The following NLN variants were observed in gnomAD, a reference collection of about 807,000 sequenced individuals.
The protein encoded by NLN is neurolysin, also known as neurolysin, mitochondrial.
A neutral mutation model predicts 79.9 loss-of-function variants in NLN; 64 were observed. That is an observed-to-expected ratio of 0.80 (90% CI 0.65 to 0.99). The LOEUF is 0.99. NLN is among the 50% of genes least tolerant of loss of function. The pLI is 0.00. For missense variants in NLN, 835 were observed against 858.7 expected, an observed-to-expected ratio of 0.97 and a Z score of 0.34; for synonymous variants, 267 against 296.6, an observed-to-expected ratio of 0.90 and a Z score of 1.02.
chr5:65,741,459 A>G (rs2591927), intron 1 of NLN, among the ~76,000 whole-genome samples: 36,011 of 152,088 alleles, frequency 0.24, 4,406 homozygotes, highest in African/African-American at 0.27. Flanking sequence ...CATACTAGCT[A>G]TTAGCCAGGC....
chr5:65,757,389 C>T (rs1032692556), intron 1 of NLN, among the ~76,000 whole-genome samples: 10 of 152,128 alleles, frequency 6.6e-5, no homozygotes, highest in African/African-American at 1.9e-4. Context: ...CAACTAGCTG[C>T]GTGGCTTTAG....
At chr5:65,782,261 T>C (rs1474206450) in intron 6 of NLN, among the ~76,000 whole-genome samples, 1 of 152,200 alleles carries the variant, frequency 6.6e-6, no homozygotes, top group Non-Finnish European at 1.5e-5. Context: ...TTGATGACCA[T>C]ATCTTGGGGG....
chr5:65,734,541 GAA>G (rs35225716), intron 1 of NLN, among the ~76,000 whole-genome samples: 6 of 100,536 alleles, frequency 6.0e-5, no homozygotes, highest in Admixed American at 1.9e-4. Context: ...AACCTGAATG[GAA>G]AAAAAAAAAA....
intron 9 of NLN, among the ~76,000 whole-genome samples, chr5:65,801,269 C>G (rs1433505824): frequency 1.3e-5 from 2 of 152,100 alleles, no homozygotes; most frequent in Non-Finnish European, 2.9e-5. Context: ...GCATTGATAA[C>G]TATATGAAGT....
chr5:65,754,779 A>T (rs1355197577), intron 1 of NLN, among the ~76,000 whole-genome samples: 2 of 152,098 alleles, frequency 1.3e-5, no homozygotes, highest in African/African-American at 4.8e-5. Context: ...CTTCTTCACC[A>T]TTGTGTAAAA....
At chr5:65,792,251 C>T (rs1411618879) in intron 8 of NLN, among the ~76,000 whole-genome samples, 1 of 152,212 alleles carries the variant, frequency 6.6e-6, no homozygotes, top group Non-Finnish European at 1.5e-5. Flanking sequence ...AACTTCGGAG[C>T]TCACACAGAA....
chr5:65,825,608 G>A lies in NLN; in HGVS notation c.*2693G>A, dbSNP rs879840413. 2 of 152,180 alleles carry A rather than the reference G, an allele frequency of 1.3e-5. No individual in the cohort carries two copies. Among genetic ancestry groups the A allele is most frequent in the Admixed American group, 6.5e-5 (1 of 15,274 alleles). 9.4% of individuals were successfully genotyped at this position (152,180 alleles called of 1,614,324 possible). A position where few individuals can be genotyped will look rare whatever the true frequency, so the allele number is the denominator to read the frequency against. The stretch of plus-strand genomic sequence containing the variant: ...GATAAACAACTAAAAATTGCCTTGA[G>A]TTATCACCTGAGCTACTTATGCCAA... On this transcript the variant is annotated 3_prime_UTR_variant, in exon 13 of 13. Transcript: ENST00000380985.
In NLN at chr5:65,780,241, T is replaced by C. The variant is rs1759769549; in HGVS notation, c.621T>C (p.Asn207=). The C allele has an allele frequency of 1.3e-6, 2 of 1,488,326 alleles. No homozygotes were observed. The highest frequency in any genetic ancestry group is 1.2e-5 in the South Asian group (1 of 85,036). The allele number at this position is 1,488,326 out of a possible 1,614,324, so 92.2% of individuals were successfully genotyped here. A position where few individuals can be genotyped will look rare whatever the true frequency, so the allele number is the denominator to read the frequency against. The change falls in exon 5 of 13, where the codon AAT becomes AAC. Residue 207 remains asparagine (N), a synonymous_variant. Transcript: ENST00000380985. ...ELCIDFNKNL[N]EDDTFLVFSK... ...GTATTGATTTTAACAAAAACCTCAA[T>C]GAGGATGATACCTTCCTTGTATTTT...
rs987455617 is a variant in NLN at position 65,809,969 on chromosome 5, A to T, written c.1715-68A>T. On this transcript the variant is annotated intron_variant, in intron 10 of 12. Transcript: ENST00000380985. ...CTGGAATCTGTTTTTGGAATCTACA[A>T]TCTTGTGATAATAAAACACACAGTT... 35 of 1,555,682 alleles carry T rather than the reference A, an allele frequency of 2.2e-5. No homozygotes were observed. In the Middle Eastern group the frequency reaches 5.0e-4, roughly 22 times the overall value.
Position 65,758,833 on chromosome 5 carries a change from C to A in NLN, c.301+7C>A. On this transcript the variant is annotated splice_region_variant and intron_variant, in intron 2 of 12. Transcript: ENST00000380985. Reference sequence around the variant, plus strand: ...GTAGAAGTAAAGTATATAGGTGGGTCAGATGCAGAAGCATATCAGTGTTTC... The same window carrying A: ...GTAGAAGTAAAGTATATAGGTGGGTAAGATGCAGAAGCATATCAGTGTTTC... The A allele has an allele frequency of 6.2e-7, 1 of 1,604,542 alleles. No homozygotes were observed. Among genetic ancestry groups the A allele is most frequent in the South Asian group, 1.1e-5 (1 of 90,366 alleles).
At chr5:65,732,658 G>A (rs1758636048) in intron 1 of NLN, among the ~76,000 whole-genome samples, 1 of 143,900 alleles carries the variant, frequency 6.9e-6, no homozygotes, top group South Asian at 2.2e-4. Context: ...GCACGTCAGG[G>A]AACCTTTGCA....
intron 1 of NLN, among the ~76,000 whole-genome samples, chr5:65,725,780 A>G (rs1323777996): frequency 1.3e-5 from 2 of 152,100 alleles, no homozygotes; most frequent in Non-Finnish European, 2.9e-5. Context: ...AGTCTGAATA[A>G]CCCTGGTTTG....
intron 3 of NLN, among the ~76,000 whole-genome samples, chr5:65,774,573 C>G (rs252635): frequency 0.45 from 67,748 of 151,514 alleles, 16,254 homozygotes; most frequent in Non-Finnish European, 0.54. Flanking sequence ...GTGCCTTACT[C>G]CTACCAAAGA....
At position 65,826,199 on chromosome 5, in the gene NLN, T is replaced by C. The variant is rs16894396; in HGVS notation, c.*3284T>C. 0.11 allele frequency: 16,324 copies of C among 152,256 alleles called. 1,283 individuals carry two copies. Among genetic ancestry groups the C allele is most frequent in the African/African-American group, 0.22 (9,245 of 41,474 alleles). The allele number at this position is 152,256 out of a possible 1,614,324, so 9.4% of individuals were successfully genotyped here. On this transcript the variant is annotated 3_prime_UTR_variant, in exon 13 of 13. Transcript: ENST00000380985. The stretch of plus-strand genomic sequence containing the variant: ...AGGCAGATGTGGAACATAAAGGGTT[T>C]AGAAACTTCTGCAGGCAGCAGTGGC...
chr5:65,773,591 T>A (rs190345635), intron 3 of NLN, among the ~76,000 whole-genome samples: 1 of 151,040 alleles, frequency 6.6e-6, no homozygotes, highest in Non-Finnish European at 1.5e-5. Flanking sequence ...AAAGTTCTTG[T>A]GAAGAAAAAG....
intron 3 of NLN, among the ~76,000 whole-genome samples, chr5:65,768,682 T>A (rs1759505070): frequency 6.6e-6 from 1 of 152,226 alleles, no homozygotes; most frequent in Non-Finnish European, 1.5e-5. Context: ...TGGGTTCTGG[T>A]GAGAGCCCTC....
At position 65,732,962 on chromosome 5, in the gene NLN, A is replaced by AG. The variant is rs1161994620; in HGVS notation, c.41+10549dup. On this transcript the variant is annotated intron_variant, in intron 1 of 12. Transcript: ENST00000380985. ...TGGGTGAAACAGGCTTCCCCATTGC[A>AG]GTTACTATAACACCTGTGTGGTAGT... 16 of 583,406 alleles carry AG rather than the reference A, an allele frequency of 2.7e-5. No individual in the cohort carries two copies. The Admixed American group carries it at 3.4e-4, about 12-fold the overall frequency. The allele number at this position is 583,406 out of a possible 1,614,324, so 36.1% of individuals were successfully genotyped here. A position where few individuals can be genotyped will look rare whatever the true frequency, so the allele number is the denominator to read the frequency against.
chr5:65,779,957 C>G (rs1759762015), intron 4 of NLN: 1 of 359,964 alleles, frequency 2.8e-6, no homozygotes, highest in African/African-American at 2.1e-5. Flanking sequence ...TCCTGAGTAG[C>G]TGGGATTATA....
chr5:65,790,961 T>C (rs755093677), intron 8 of NLN, among the ~76,000 whole-genome samples: 9 of 152,316 alleles, frequency 5.9e-5, no homozygotes, highest in Admixed American at 2.6e-4. Flanking sequence ...GATCTGGTCA[T>C]TGCTACCAGC....
Sources: allele counts gnomAD v4.1 joint callset (sites outside exome capture counted in the v4.1 genomes callset), GRCh38; gene constraint gnomAD v4.1.1; transcripts MANE v1.5; gene names NCBI Gene and HGNC (gene_info 2026-07-23, HGNC 2026-07-21).